ITPR2: variants seen among roughly 807,000 people sequenced by gnomAD.
ITPR2 encodes inositol 1,4,5-trisphosphate receptor type 2.
In ITPR2, 207 loss-of-function variants were observed where a neutral mutation model predicts 317.1. That is an observed-to-expected ratio of 0.65 (90% CI 0.58 to 0.73). The LOEUF (loss-of-function observed/expected upper bound fraction) is 0.73. Among genes scored for constraint, ITPR2 ranks in the 30% least tolerant of loss-of-function variants. The probability of loss-of-function intolerance (pLI) is 0.00; values close to 1 mark genes in which losing one functional copy is unlikely to be tolerated. For missense variants in ITPR2, 2,613 were observed against 3,284.0 expected, an observed-to-expected ratio of 0.80 and a Z score of 4.99; for synonymous variants, 1,156 against 1,149.1, an observed-to-expected ratio of 1.01 and a Z score of -0.12.
intron 32 of ITPR2, among the ~76,000 whole-genome samples, chr12:26,588,212 A>G (rs976319800): frequency 5.3e-5 from 8 of 152,322 alleles, no homozygotes; most frequent in African/African-American, 1.9e-4. Context: ...TTATGAGAGT[A>G]AATGAGATTA....
At chr12:26,362,983 C>T (rs1591963851) in intron 55 of ITPR2, among the ~76,000 whole-genome samples, 1 of 152,216 alleles carries the variant, frequency 6.6e-6, no homozygotes, top group African/African-American at 2.4e-5. Context: ...GTTATGGCAG[C>T]ATCACGAGTC....
intron 45 of ITPR2, among the ~76,000 whole-genome samples, chr12:26,466,978 A>G (rs1942183982): frequency 6.6e-6 from 1 of 152,212 alleles, no homozygotes; most frequent in Non-Finnish European, 1.5e-5. Context: ...TATGTATCCA[A>G]TTACAAACCA....
intron 32 of ITPR2, among the ~76,000 whole-genome samples, chr12:26,590,302 A>C (rs139769674): frequency 6.6e-6 from 1 of 152,220 alleles, no homozygotes; most frequent in African/African-American, 2.4e-5. Context: ...AAGAATAGTG[A>C]GGAGGTGTTT....
intron 39 of ITPR2, among the ~76,000 whole-genome samples, chr12:26,489,466 C>T (rs1046982968): frequency 6.6e-6 from 1 of 152,202 alleles, no homozygotes; most frequent in Non-Finnish European, 1.5e-5. Flanking sequence ...AGCCAGACTG[C>T]ATCGGTTTGA....
chr12:26,723,539 C>T (rs1948870625), intron 4 of ITPR2, among the ~76,000 whole-genome samples: 1 of 152,150 alleles, frequency 6.6e-6, no homozygotes, highest in African/African-American at 2.4e-5. Flanking sequence ...GCCCCAGGGA[C>T]ATCCAGCCCA....
At chr12:26,503,190 A>AACACACACACACACACACACACACACAC (rs57271500) in intron 37 of ITPR2, among the ~76,000 whole-genome samples, 4 of 139,212 alleles carry the variant, frequency 2.9e-5, no homozygotes, top group South Asian at 5.0e-4. Flanking sequence ...GCCCCCCACC[A>AACACACACACACACACACACACACACAC]ACACACACAC....
intron 26 of ITPR2, among the ~76,000 whole-genome samples, chr12:26,618,089 T>A (rs1007652918): frequency 6.6e-6 from 1 of 152,136 alleles, no homozygotes; most frequent in Non-Finnish European, 1.5e-5. Flanking sequence ...AGGAAGAGAA[T>A]GTGCTCCTCC....
At chr12:26,654,227 C>A in intron 20 of ITPR2, 101 bp from the exon 21 acceptor site, 2 of 907,332 alleles carry the variant, frequency 2.2e-6, no homozygotes, top group Non-Finnish European at 3.3e-6. Context: ...TAAATTAGCA[C>A]AGCAATTTCT....
At chr12:26,388,283 G>A (rs995354606) in intron 54 of ITPR2, among the ~76,000 whole-genome samples, 2 of 152,182 alleles carry the variant, frequency 1.3e-5, no homozygotes, top group Non-Finnish European at 2.9e-5. Context: ...GAAATGAATA[G>A]AGATGAAGAA....
intron 48 of ITPR2, 26 bp from the exon 49 acceptor site, chr12:26,428,114 G>A: frequency 6.5e-7 from 1 of 1,537,256 alleles, no homozygotes; most frequent in Non-Finnish European, 8.8e-7. Context: ...GAAATTTATT[G>A]CTACTAAGAA....
intron 45 of ITPR2, among the ~76,000 whole-genome samples, chr12:26,467,967 C>T (rs1259078958): frequency 1.3e-5 from 2 of 152,266 alleles, no homozygotes; most frequent in African/African-American, 4.8e-5. Context: ...AATAAGGCCT[C>T]CTGGGTGCCC....
intron 41 of ITPR2, among the ~76,000 whole-genome samples, chr12:26,484,102 T>A (rs1350269582): frequency 1.3e-5 from 2 of 151,722 alleles, no homozygotes; most frequent in African/African-American, 4.8e-5. Flanking sequence ...CACACACATA[T>A]ATATGTATAC....
At chr12:26,389,237 C>T (rs1009177329) in intron 54 of ITPR2, among the ~76,000 whole-genome samples, 7 of 152,164 alleles carry the variant, frequency 4.6e-5, no homozygotes, top group Non-Finnish European at 8.8e-5. Context: ...GTAAACCCAA[C>T]AATGGCTCCT....
chr12:26,416,167 T>G (rs1940714063), intron 50 of ITPR2, among the ~76,000 whole-genome samples: 2 of 152,192 alleles, frequency 1.3e-5, no homozygotes, highest in African/African-American at 4.8e-5. Context: ...ATATGTACAT[T>G]GCTAATTGAT....
chr12:26,700,973 AT>A (rs1373418417), intron 9 of ITPR2, among the ~76,000 whole-genome samples: 1 of 152,224 alleles, frequency 6.6e-6, no homozygotes, highest in Non-Finnish European at 1.5e-5. Context: ...TTTTAGATAA[AT>A]TTATTGATTT....
Position 26,658,044 on chromosome 12 carries a change from C to T in ITPR2, c.1973G>A (p.Ser658Asn), listed in dbSNP as rs768711971. 5.6e-6 allele frequency: 9 copies of T among 1,613,376 alleles called. No individual in the cohort carries two copies. The highest frequency in any genetic ancestry group is 7.6e-6 in the Non-Finnish European group (9 of 1,179,596). Residue 658 changes from serine (S) to asparagine (N), a missense_variant, in exon 17 of 57, where the codon AGT becomes AAT. Around this residue, in one of 9 missense-constraint regions of ITPR2, gnomAD observed 817 missense variants for 897.6 expected, o/e 0.91. Coordinates refer to ENST00000381340, the MANE Select transcript of ITPR2 (RefSeq NM_002223.4). ...TQELICKFML[S>N]PGNADILIQT... ...AATGAGAATGTCTGCATTGCCTGGA[C>T]TCAACATAAATTTACAGATGAGTTC...
chr12:26,804,558 T>C (rs534907301), intron 1 of ITPR2, among the ~76,000 whole-genome samples: 43 of 152,270 alleles, frequency 2.8e-4, no homozygotes, highest in Middle Eastern at 6.8e-3. Context: ...AAAAGTCTGA[T>C]GGCTGAAAAG....
intron 49 of ITPR2, among the ~76,000 whole-genome samples, chr12:26,422,576 T>C (rs555116037): frequency 1.3e-5 from 2 of 152,288 alleles, no homozygotes; most frequent in African/African-American, 4.8e-5. Flanking sequence ...TGCCTAGAAG[T>C]GAACAATCCT....
chr12:26,719,289 A>G (rs559693552), intron 5 of ITPR2, among the ~76,000 whole-genome samples: 11 of 152,352 alleles, frequency 7.2e-5, no homozygotes, highest in African/African-American at 2.6e-4. Flanking sequence ...AGATGGGGTC[A>G]GGTGCTTTCT....
Sources: gnomAD v4.1 joint callset for allele counts (sites outside exome capture counted in the v4.1 genomes callset) on GRCh38, gnomAD v4.1.1 for gene constraint, gnomAD v4.1.1 regional missense constraint, MANE v1.5 for transcripts, NCBI Gene and HGNC (gene_info 2026-07-23, HGNC 2026-07-21) for gene names.